Variants in CHEK2 observed in about 807,000 individuals in gnomAD.
CHEK2 encodes the protein checkpoint kinase 2.
Under a neutral mutation model 69.1 loss-of-function variants are expected in CHEK2, and 71 were observed. That is an observed-to-expected ratio of 1.03 (90% confidence interval 0.85 to 1.25). The LOEUF is 1.25. Ranked by LOEUF, CHEK2 falls within the 50% of genes most tolerant of loss-of-function variation. The pLI, the probability that CHEK2 is intolerant of heterozygous loss-of-function variation, is 0.00. For synonymous variants in CHEK2, 189 were observed against 226.9 expected (o/e 0.83, Z 1.50); for missense variants, 664 against 649.6 (o/e 1.02, Z -0.24).
chr22:28,705,160 G>C (rs1448982095), intron 7 of CHEK2, among the ~76,000 whole-genome samples: 1 of 149,398 alleles, frequency 6.7e-6, no homozygotes, highest in Non-Finnish European at 1.5e-5. Flanking sequence ...CTCACTGCAA[G>C]CTCTGCCTCC....
chr22:28,696,933 G>A lies in CHEK2; in HGVS notation c.1063C>T (p.Leu355=), dbSNP rs786201130. The A allele has an allele frequency of 1.2e-6, 2 of 1,613,262 alleles. No homozygotes were observed. Among genetic ancestry groups the A allele is most frequent in the South Asian group, 1.1e-5 (1 of 91,050 alleles). Residue 355 remains leucine, a synonymous_variant, in exon 10 of 15, where the codon CTG becomes TTG. Coordinates refer to ENST00000404276, the MANE Select transcript of CHEK2 (RefSeq NM_007194.4). The stretch of plus-strand genomic sequence containing the variant: ...AGACAGTCCTCTTCTTGAGATGACA[G>A]TAAAACATTCTCTGGCTTTAAGTCA... ...HRDLKPENVL[L]SSQEEDCLIK...
chr22:28,726,631 C>T (rs2054022866), intron 2 of CHEK2, among the ~76,000 whole-genome samples: 1 of 147,478 alleles, frequency 6.8e-6, no homozygotes, highest in African/African-American at 2.5e-5. Context: ...CACACATACA[C>T]ATACATATAT....
intron 4 of CHEK2, chr22:28,724,453 T>G: frequency 4.9e-6 from 1 of 202,820 alleles, no homozygotes; most frequent in Non-Finnish European, 1.0e-5. Context: ...GTATATGGCA[T>G]TACATAAAAC....
intron 4 of CHEK2, 61 bp from the exon 5 acceptor site, chr22:28,719,546 T>A (rs2053700294): frequency 1.1e-6 from 1 of 943,658 alleles, no homozygotes; most frequent in African/African-American, 1.7e-5. Flanking sequence ...CGATCACTGA[T>A]TCTAAAATTT....
chr22:28,721,586 C>T (rs550903050), intron 4 of CHEK2: 2 of 456,632 alleles, frequency 4.4e-6, no homozygotes, highest in African/African-American at 4.1e-5. Flanking sequence ...CGCGCCCCGC[C>T]GTATTTTTGA....
At chr22:28,700,362 C>T (rs549612891) in intron 8 of CHEK2, among the ~76,000 whole-genome samples, 72 of 152,130 alleles carry the variant, frequency 4.7e-4, no homozygotes, top group Admixed American at 1.2e-3. Context: ...CAGGTATGCA[C>T]CACCATGCCC....
At chr22:28,707,085 G>A (rs1223650037) in intron 7 of CHEK2, among the ~76,000 whole-genome samples, 1 of 152,148 alleles carries the variant, frequency 6.6e-6, no homozygotes, top group Non-Finnish European at 1.5e-5. Flanking sequence ...GCATGAAGAG[G>A]TGTCCGATAG....
intron 1 of CHEK2, among the ~76,000 whole-genome samples, chr22:28,735,336 G>A (rs2054367017): frequency 8.6e-5 from 13 of 151,894 alleles, no homozygotes; most frequent in Admixed American, 8.5e-4. Context: ...AGCCCGGGAG[G>A]CAGAGGTTGC....
chr22:28,717,648 G>A (rs1031405930), intron 5 of CHEK2, among the ~76,000 whole-genome samples: 4 of 152,088 alleles, frequency 2.6e-5, no homozygotes, highest in African/African-American at 7.2e-5. Flanking sequence ...GCCGAGGCAG[G>A]CAGATCACCT....
intron 1 of CHEK2, among the ~76,000 whole-genome samples, chr22:28,738,603 A>G (rs1412718145): frequency 6.6e-6 from 1 of 152,166 alleles, no homozygotes; most frequent in African/African-American, 2.4e-5. Context: ...CATGCAGAGA[A>G]GTGAGTGAAA....
At chr22:28,726,028 C>A (rs576975918) in intron 2 of CHEK2, among the ~76,000 whole-genome samples, 4 of 151,776 alleles carry the variant, frequency 2.6e-5, no homozygotes, top group Admixed American at 6.6e-5. Context: ...GATGGTGAAA[C>A]CCTGTCTCTA....
chr22:28,716,078 G>T (rs1164736567), intron 5 of CHEK2, among the ~76,000 whole-genome samples: 2 of 151,950 alleles, frequency 1.3e-5, no homozygotes, highest in Admixed American at 1.3e-4. Context: ...TTGCCCAGCT[G>T]CCCAGGCTGG....
intron 2 of CHEK2, among the ~76,000 whole-genome samples, chr22:28,731,757 G>C (rs2054224462): frequency 6.6e-6 from 1 of 151,912 alleles, no homozygotes; most frequent in Admixed American, 6.6e-5. Context: ...CAAACTCCTG[G>C]GTTCAAGCTA....
At chr22:28,733,126 T>C (rs369782878) in intron 2 of CHEK2, among the ~76,000 whole-genome samples, 1 of 152,202 alleles carries the variant, frequency 6.6e-6, no homozygotes, top group Non-Finnish European at 1.5e-5. Flanking sequence ...TTTAAACATA[T>C]GCAGAGCAAA....
upstream of CHEK2, chr22:28,741,822 G>T: frequency 1.8e-6 from 1 of 549,690 alleles, no homozygotes. Flanking sequence ...CAGCAGAGTG[G>T]CGCTAAACCT....
chr22:28,695,008 A>C, intron 12 of CHEK2, 119 bp downstream of exon 12: 1 of 709,748 alleles, frequency 1.4e-6, no homozygotes, highest in South Asian at 1.5e-5. Context: ...TGAAACTAAC[A>C]ATAGAAAATA....
intron 12 of CHEK2, 92 bp downstream of exon 12, chr22:28,695,035 G>A (rs1421696396): frequency 1.4e-5 from 11 of 788,912 alleles, no homozygotes; most frequent in Non-Finnish European, 2.5e-5. Flanking sequence ...GAATTGACAG[G>A]AGAAAACACC....
chr22:28,734,579 T>C lies in CHEK2; in HGVS notation c.143A>G (p.Asn48Ser). 1 of 1,611,458 alleles carries C rather than the reference T, an allele frequency of 6.2e-7. No homozygotes were observed. The highest frequency in any genetic ancestry group is 8.5e-7 in the Non-Finnish European group (1 of 1,179,228). ...GCTGGAGTGAGAGGACTGGCTGGAG[T>C]TTGGCATCGTGCTGGTAGAGGAGCT... ...ISSSSTSTMP[N>S]SSQSSHSSSG... Residue 48 changes from asparagine to serine, a missense_variant, in exon 2 of 15, where the codon AAC becomes AGC. By Grantham distance (46) the Asn-to-Ser change is conservative. Transcript: ENST00000404276.
At chr22:28,712,086 C>A (rs2053423553) in intron 5 of CHEK2, 69 bp from the exon 6 acceptor site, 1 of 1,034,042 alleles carries the variant, frequency 9.7e-7, no homozygotes, top group East Asian at 2.6e-5. Context: ...CTCCTGGGTC[C>A]ACTTCAAGTA....
Sources: allele counts gnomAD v4.1 joint callset (sites outside exome capture counted in the v4.1 genomes callset), GRCh38; gene constraint gnomAD v4.1.1; transcripts MANE v1.5; gene names NCBI Gene and HGNC (gene_info 2026-07-23, HGNC 2026-07-21).